Variants in KCNQ3 observed in about 807,000 individuals in gnomAD.
KCNQ3 encodes the protein potassium voltage-gated channel subfamily KQT member 3.
Under a neutral mutation model 92.5 loss-of-function variants are expected in KCNQ3, and 30 were observed. The ratio of observed to expected loss-of-function variants is 0.32; its 90% CI spans 0.24 to 0.44. The LOEUF is 0.44. KCNQ3 is among the 20% of genes least tolerant of loss of function. The pLI, the probability that KCNQ3 is intolerant of heterozygous loss-of-function variation, is 1.00. For missense variants in KCNQ3, 913 were observed against 1,140.3 expected (o/e 0.80, Z 2.87); for synonymous variants, 450 against 468.8 (o/e 0.96, Z 0.52).
chr8:132,398,737 G>C (rs968050365), intron 1 of KCNQ3, among the ~76,000 whole-genome samples: 3 of 152,206 alleles, frequency 2.0e-5, no homozygotes, highest in Admixed American at 1.3e-4. Context: ...ATGAGAGTAA[G>C]GAACAGAGGG....
intron 11 of KCNQ3, among the ~76,000 whole-genome samples, chr8:132,138,934 A>G (rs1825194681): frequency 6.6e-6 from 1 of 152,188 alleles, no homozygotes; most frequent in Non-Finnish European, 1.5e-5. Flanking sequence ...ACATAGTTCC[A>G]TACAGGTGAG....
chr8:132,208,557 C>A (rs191916187), intron 1 of KCNQ3, among the ~76,000 whole-genome samples: 365 of 151,426 alleles, frequency 2.4e-3, no homozygotes, highest in Non-Finnish European at 3.5e-3. Flanking sequence ...TCTAGGAGAG[C>A]CTTGAGAAAG....
chr8:132,379,906 C>G (rs1030224033), intron 1 of KCNQ3, among the ~76,000 whole-genome samples: 3 of 128,974 alleles, frequency 2.3e-5, no homozygotes, highest in Non-Finnish European at 5.0e-5. Context: ...TTTTTTTTTA[C>G]ATTTATTTTT....
chr8:132,129,964 G>A lies in KCNQ3; in HGVS notation c.1917C>T (p.Leu639=), dbSNP rs78731303. The A allele has an allele frequency of 2.3e-4, 379 of 1,613,910 alleles. No homozygotes were observed. In the African/African-American group the frequency reaches 4.6e-3, roughly 20 times the overall value. ...CCATGTGTTGCATGTGCATATCCAC[G>A]AGGAAGTCCAGCTTCTTCCCCATGT... ...VQDMGKKLDF[L]VDMHMQHMER... The change falls in exon 15 of 15, where the codon CTC becomes CTT. Residue 639 remains leucine, a synonymous_variant. Coordinates refer to ENST00000388996, the MANE Select transcript of KCNQ3 (RefSeq NM_004519.4). This position sits in a 1 kb window ranked among gnomAD's most constrained non-coding sequence, Gnocchi z 5.9.
chr8:132,349,772 G>T (rs73343851), intron 1 of KCNQ3, among the ~76,000 whole-genome samples: 36,534 of 152,164 alleles, frequency 0.24, 4,904 homozygotes, highest in African/African-American at 0.37. Context: ...ATGTGAGCAA[G>T]CCCAGCCAGG....
intron 1 of KCNQ3, among the ~76,000 whole-genome samples, chr8:132,261,414 T>A: frequency 6.6e-6 from 1 of 152,230 alleles, no homozygotes; most frequent in East Asian, 1.9e-4. Context: ...ATTCTCACTG[T>A]GCCAATGTGG....
At chr8:132,271,957 A>G (rs1318285644) in intron 1 of KCNQ3, among the ~76,000 whole-genome samples, 1 of 152,192 alleles carries the variant, frequency 6.6e-6, no homozygotes, top group South Asian at 2.1e-4. Context: ...CTCATTTAGT[A>G]TCTAAAGAAA....
intron 1 of KCNQ3, among the ~76,000 whole-genome samples, chr8:132,361,041 C>G (rs1481000774): frequency 6.6e-6 from 1 of 152,198 alleles, no homozygotes; most frequent in East Asian, 1.9e-4. Flanking sequence ...CTCTGGTTTC[C>G]ATTCCACCCT....
At chr8:132,178,476 G>A (rs1182695570) in intron 4 of KCNQ3, among the ~76,000 whole-genome samples, 1 of 152,146 alleles carries the variant, frequency 6.6e-6, no homozygotes, top group Non-Finnish European at 1.5e-5. Flanking sequence ...TACTATTAAT[G>A]AGCACCTATG....
At chr8:132,132,673 A>AT (rs1483601442) in intron 13 of KCNQ3, among the ~76,000 whole-genome samples, 1 of 152,180 alleles carries the variant, frequency 6.6e-6, no homozygotes, top group Non-Finnish European at 1.5e-5. Flanking sequence ...GGGTCATCTA[A>AT]TGTCTGAAAT....
At chr8:132,225,223 G>C (rs1269847608) in intron 1 of KCNQ3, among the ~76,000 whole-genome samples, 1 of 152,230 alleles carries the variant, frequency 6.6e-6, no homozygotes, top group Non-Finnish European at 1.5e-5. Flanking sequence ...TTCTAATAGG[G>C]ATGTGATAAG....
chr8:132,140,243 G>T lies in KCNQ3; in HGVS notation c.1466-65C>A, dbSNP rs982638756. 4.2e-6 allele frequency: 5 copies of T among 1,190,216 alleles called. No individual in the cohort carries two copies. The Admixed American group carries it at 7.2e-5, about 17-fold the overall frequency. 73.7% of individuals were successfully genotyped at this position (1,190,216 alleles called of 1,614,324 possible). On this transcript the variant is annotated intron_variant, in intron 10 of 14. Coordinates refer to ENST00000388996, the MANE Select transcript of KCNQ3 (RefSeq NM_004519.4). ...CTGGAAAAGGCTTGGGGACCCCACT[G>T]TTCGGTCAAAGCCTTCCACGCCTCT...
At chr8:132,448,502 G>GAAAAAAAAAAAAAAAAAAAAAAAGGAAA in intron 1 of KCNQ3, among the ~76,000 whole-genome samples, 1 of 93,880 alleles carries the variant, frequency 1.1e-5, no homozygotes. Context: ...GGAGAAATAT[G>GAAAAAAAAAAAAAAAAAAAAAAAGGAAA]AAAAAAAAAA....
chr8:132,208,585 T>C (rs1045255864), intron 1 of KCNQ3, among the ~76,000 whole-genome samples: 1 of 152,126 alleles, frequency 6.6e-6, no homozygotes, highest in Non-Finnish European at 1.5e-5. Context: ...AGGCTGCATA[T>C]GTTTTGATAT....
At chr8:132,331,651 G>A (rs373509206) in intron 1 of KCNQ3, among the ~76,000 whole-genome samples, 12 of 152,030 alleles carry the variant, frequency 7.9e-5, no homozygotes, top group Admixed American at 2.0e-4. Context: ...AGCACCCACC[G>A]TACTGAAGGA....
chr8:132,257,745 CA>C (rs1174893538), intron 1 of KCNQ3, among the ~76,000 whole-genome samples: 2,078 of 76,564 alleles, frequency 0.027, 12 homozygotes, highest in Middle Eastern at 0.051. Flanking sequence ...GACTCCAGCT[CA>C]AAAAAAAAAA....
At chr8:132,202,900 C>A (rs1046561871) in intron 1 of KCNQ3, among the ~76,000 whole-genome samples, 1 of 152,174 alleles carries the variant, frequency 6.6e-6, no homozygotes, top group African/African-American at 2.4e-5. Flanking sequence ...ATAGCAACAG[C>A]CCCACCTCTC....
intron 1 of KCNQ3, among the ~76,000 whole-genome samples, chr8:132,326,833 G>A (rs942131957): frequency 6.6e-6 from 1 of 152,192 alleles, no homozygotes; most frequent in Admixed American, 6.5e-5. Context: ...TGTTATAGTA[G>A]CACAGAGGGA....
At chr8:132,438,381 C>T (rs1821450224) in intron 1 of KCNQ3, among the ~76,000 whole-genome samples, 1 of 152,006 alleles carries the variant, frequency 6.6e-6, no homozygotes, top group Admixed American at 6.6e-5. Flanking sequence ...GGTCTCTGCC[C>T]CGATCCCACC....
Sources: gnomAD v4.1 joint callset for allele counts (sites outside exome capture counted in the v4.1 genomes callset) on GRCh38, gnomAD v4.1.1 for gene constraint, Gnocchi (gnomAD v3.1) non-coding constraint, MANE v1.5 for transcripts, NCBI Gene and HGNC (gene_info 2026-07-23, HGNC 2026-07-21) for gene names.